Variants in RHEX observed in about 807,000 individuals in gnomAD.
The protein encoded by RHEX is regulator of hemoglobinization and erythroid cell expansion, also known as regulator of hemoglobinization and erythroid cell expansion protein.
RHEX carries 18 observed loss-of-function variants against 20.1 expected under a neutral mutation model. The ratio of observed to expected loss-of-function variants is 0.90; its 90% CI spans 0.62 to 1.33. The LOEUF is 1.33. Among genes scored for constraint, RHEX ranks in the 40% most tolerant of loss-of-function variants. The pLI is 0.00. For synonymous variants in RHEX, 87 were observed against 77.1 expected (o/e 1.13, Z -0.67); for missense variants, 192 against 214.3 (o/e 0.90, Z 0.65).
chr1:206,092,001 G>A (rs1662960244), intron 1 of RHEX, among the ~76,000 whole-genome samples: 1 of 152,110 alleles, frequency 6.6e-6, no homozygotes, highest in Admixed American at 6.5e-5. Context: ...AGGTAAGTCT[G>A]ATAATGCTTC....
intron 1 of RHEX, among the ~76,000 whole-genome samples, chr1:206,091,906 T>G (rs1248624150): frequency 6.6e-6 from 1 of 152,218 alleles, no homozygotes; most frequent in Non-Finnish European, 1.5e-5. Flanking sequence ...TCCTGTGCCC[T>G]GTATTGGCTT....
At chr1:206,080,189 T>A (rs1662708139) in intron 1 of RHEX, 2 of 152,280 alleles carry the variant, frequency 1.3e-5, no homozygotes, top group African/African-American at 4.8e-5. Flanking sequence ...CAAGGCATTA[T>A]GCAAAAATAT....
At chr1:206,069,789 C>T (rs1571858589) in intron 1 of RHEX, among the ~76,000 whole-genome samples, 1 of 152,182 alleles carries the variant, frequency 6.6e-6, no homozygotes, top group East Asian at 1.9e-4. Context: ...AGCTGCTCTA[C>T]AACTTTCGAG....
At chr1:206,058,106 A>C (rs1252653866) in intron 1 of RHEX, among the ~76,000 whole-genome samples, 1 of 152,258 alleles carries the variant, frequency 6.6e-6, no homozygotes, top group Non-Finnish European at 1.5e-5. Context: ...GATATAACAA[A>C]ACTGGCACAT....
At chr1:206,064,268 G>C (rs1341970254) in intron 1 of RHEX, among the ~76,000 whole-genome samples, 4 of 143,676 alleles carry the variant, frequency 2.8e-5, no homozygotes, top group East Asian at 2.1e-4. Flanking sequence ...GGTGGGGGGG[G>C]TCAGCCCCCC....
At chr1:206,055,681 C>T in intron 1 of RHEX, among the ~76,000 whole-genome samples, 1 of 152,270 alleles carries the variant, frequency 6.6e-6, no homozygotes, top group East Asian at 1.9e-4. Context: ...GCATCTATTA[C>T]ACCCAACAGC....
At chr1:206,087,991 G>A (rs1473036888) in intron 1 of RHEX, among the ~76,000 whole-genome samples, 4 of 152,132 alleles carry the variant, frequency 2.6e-5, no homozygotes, top group Non-Finnish European at 5.9e-5. Flanking sequence ...CGGGTGCAGC[G>A]GCTCATGCCT....
At chr1:206,085,704 C>T (rs1662824737) in intron 1 of RHEX, among the ~76,000 whole-genome samples, 1 of 152,112 alleles carries the variant, frequency 6.6e-6, no homozygotes, top group Non-Finnish European at 1.5e-5. Context: ...CAAAGTTGCT[C>T]TTTCTCACTT....
intron 1 of RHEX, among the ~76,000 whole-genome samples, chr1:206,087,995 C>T (rs782472352): frequency 1.3e-5 from 2 of 152,212 alleles, no homozygotes; most frequent in Non-Finnish European, 2.9e-5. Flanking sequence ...TGCAGCGGCT[C>T]ATGCCTATAA....
At chr1:206,096,764 TG>T (rs1663076490) in intron 1 of RHEX, among the ~76,000 whole-genome samples, 1 of 139,246 alleles carries the variant, frequency 7.2e-6, no homozygotes, top group East Asian at 2.2e-4. Flanking sequence ...ACAAGTCCCC[TG>T]TTTTTTTTTT....
chr1:206,096,465 G>T (rs369253766), intron 1 of RHEX, among the ~76,000 whole-genome samples: 1 of 152,184 alleles, frequency 6.6e-6, no homozygotes, highest in African/African-American at 2.4e-5. Context: ...TTTCTTTCAC[G>T]ATACAATAAA....
At chr1:206,065,594 C>G (rs1553284098) in intron 1 of RHEX, among the ~76,000 whole-genome samples, 1 of 152,194 alleles carries the variant, frequency 6.6e-6, no homozygotes, top group Non-Finnish European at 1.5e-5. Context: ...AACCCCACCT[C>G]TTCTTTCATC....
intron 1 of RHEX, among the ~76,000 whole-genome samples, chr1:206,076,410 C>T (rs1455120606): frequency 6.6e-6 from 1 of 152,250 alleles, no homozygotes; most frequent in African/African-American, 2.4e-5. Context: ...AAGCGATCCA[C>T]CCTCCTCGAT....
intron 1 of RHEX, among the ~76,000 whole-genome samples, chr1:206,078,864 G>A (rs1430388425): frequency 6.6e-6 from 1 of 152,172 alleles, no homozygotes; most frequent in Non-Finnish European, 1.5e-5. Flanking sequence ...GTCTAGACCC[G>A]CTGGACTGCA....
At chr1:206,062,554 T>C (rs1337602735) in intron 1 of RHEX, among the ~76,000 whole-genome samples, 1 of 152,242 alleles carries the variant, frequency 6.6e-6, no homozygotes, top group African/African-American at 2.4e-5. Context: ...TGCTTGTATC[T>C]GTGATCACGT....
chr1:206,088,269 A>G (rs1005396319), intron 1 of RHEX, among the ~76,000 whole-genome samples: 2 of 152,266 alleles, frequency 1.3e-5, no homozygotes, highest in Non-Finnish European at 2.9e-5. Flanking sequence ...TAACACTTAC[A>G]TGTATCTTCT....
intron 3 of RHEX, among the ~76,000 whole-genome samples, chr1:206,098,848 C>T (rs116670712): frequency 0.027 from 4,128 of 152,272 alleles, 118 homozygotes; most frequent in Admixed American, 0.079. Context: ...ATTCCTACCC[C>T]CGGAATCTTT....
At chr1:206,060,423 A>G (rs1222574036) in intron 1 of RHEX, 1 of 152,236 alleles carries the variant, frequency 6.6e-6, no homozygotes, top group East Asian at 1.9e-4. Flanking sequence ...CCCTGAAGCC[A>G]GAGACTAACA....
At chr1:206,098,021 TTTGCAATTG>T (rs782474569) in intron 2 of RHEX, 51 bp from the exon 3 acceptor site, 1 of 1,371,754 alleles carries the variant, frequency 7.3e-7, no homozygotes, top group African/African-American at 1.4e-5. Flanking sequence ...CAGGGATAGG[TTTGCAATTG>T]TATTCACATC....
Sources: gnomAD v4.1 joint callset for allele counts (sites outside exome capture counted in the v4.1 genomes callset) on GRCh38, gnomAD v4.1.1 for gene constraint, MANE v1.5 for transcripts, NCBI Gene and HGNC (gene_info 2026-07-23, HGNC 2026-07-21) for gene names.